CSMD2: variants seen among roughly 807,000 people sequenced by gnomAD.
CSMD2 encodes the protein CUB and sushi domain-containing protein 2.
In CSMD2, 130 loss-of-function variants were observed where a neutral mutation model predicts 398.5. The observed-to-expected ratio is 0.33, with a 90% CI of 0.28 to 0.38. The LOEUF is 0.38. Among genes scored for constraint, CSMD2 ranks in the 10% least tolerant of loss-of-function variants. The pLI is 1.00. For missense variants in CSMD2, 3,829 were observed against 4,764.9 expected (o/e 0.80, Z 5.78); for synonymous variants, 1,828 against 1,908.5 (o/e 0.96, Z 1.10).
At chr1:34,116,057 G>A (rs1049970500) in intron 1 of CSMD2, among the ~76,000 whole-genome samples, 6 of 151,928 alleles carry the variant, frequency 3.9e-5, no homozygotes, top group Non-Finnish European at 1.5e-5. Flanking sequence ...GTAACTATAA[G>A]GCACACAGAA....
chr1:34,006,986 T>C (rs1397516031), intron 3 of CSMD2, among the ~76,000 whole-genome samples: 1 of 152,136 alleles, frequency 6.6e-6, no homozygotes, highest in Non-Finnish European at 1.5e-5. Flanking sequence ...GGCAGAATGC[T>C]AGCTCACTGC....
chr1:34,021,211 C>T (rs919187510), intron 3 of CSMD2, among the ~76,000 whole-genome samples: 8 of 152,112 alleles, frequency 5.3e-5, no homozygotes, highest in South Asian at 2.1e-4. Flanking sequence ...GTGTTCTCTC[C>T]CCACTGATGC....
At chr1:33,562,286 A>G (rs912570214) in intron 53 of CSMD2, among the ~76,000 whole-genome samples, 3 of 152,064 alleles carry the variant, frequency 2.0e-5, no homozygotes, top group Non-Finnish European at 4.4e-5. Context: ...TCAGCAGGAG[A>G]AGAAGCTGCT....
chr1:33,708,415 A>G (rs545379875), intron 22 of CSMD2, among the ~76,000 whole-genome samples: 9 of 152,272 alleles, frequency 5.9e-5, no homozygotes, highest in African/African-American at 2.2e-4. Flanking sequence ...ATACATGGAC[A>G]CCGATTCACA....
intron 29 of CSMD2, among the ~76,000 whole-genome samples, chr1:33,642,264 T>C (rs1643149229): frequency 6.6e-6 from 1 of 150,658 alleles, no homozygotes; most frequent in Non-Finnish European, 1.5e-5. Flanking sequence ...AGCGAATCAC[T>C]TGAACCTGGG....
chr1:33,652,137 C>T (rs1471991732), intron 28 of CSMD2, among the ~76,000 whole-genome samples, 186 bp downstream of exon 28: 1 of 152,182 alleles, frequency 6.6e-6, no homozygotes, highest in African/African-American at 2.4e-5. Flanking sequence ...ATGCATGAGA[C>T]CACTGAGCAC....
At chr1:33,998,744 A>T (rs1450340417) in intron 3 of CSMD2, among the ~76,000 whole-genome samples, 1 of 152,176 alleles carries the variant, frequency 6.6e-6, no homozygotes, top group Non-Finnish European at 1.5e-5. Flanking sequence ...CCCTGGTTAA[A>T]ATATGATTAT....
chr1:33,973,484 G>C (rs1645845592), intron 3 of CSMD2, among the ~76,000 whole-genome samples: 1 of 152,200 alleles, frequency 6.6e-6, no homozygotes, highest in African/African-American at 2.4e-5. Flanking sequence ...CCCTGAGGGG[G>C]TCCTGGGTTG....
At chr1:33,534,882 T>C (rs549843746) in intron 62 of CSMD2, among the ~76,000 whole-genome samples, 138 of 152,324 alleles carry the variant, frequency 9.1e-4, no homozygotes, top group South Asian at 5.4e-3. Flanking sequence ...CTACAAAATG[T>C]ATCCCGAACA....
intron 22 of CSMD2, among the ~76,000 whole-genome samples, chr1:33,707,737 ACACAC>A (rs1236073808): frequency 4.9e-4 from 72 of 147,778 alleles, no homozygotes; most frequent in African/African-American, 1.8e-3. Flanking sequence ...ACACACACAC[ACACAC>A]ACCATACACC....
chr1:34,133,699 TC>T (rs1393880459), intron 1 of CSMD2, among the ~76,000 whole-genome samples: 3 of 151,930 alleles, frequency 2.0e-5, no homozygotes, highest in African/African-American at 7.3e-5. Context: ...CACTTTCCCA[TC>T]CCTTGTGTTC....
intron 3 of CSMD2, among the ~76,000 whole-genome samples, chr1:33,996,193 A>G (rs764784100): frequency 1.3e-5 from 2 of 152,246 alleles, no homozygotes; most frequent in African/African-American, 4.8e-5. Flanking sequence ...CTCACTGGTA[A>G]TCAGAGCAAT....
chr1:33,548,105 G>T (rs1196489599), intron 56 of CSMD2, among the ~76,000 whole-genome samples: 1 of 152,184 alleles, frequency 6.6e-6, no homozygotes, highest in East Asian at 1.9e-4. Context: ...TGCCATGATT[G>T]TAAGTTTCCT....
At chr1:33,888,140 C>A (rs1641723452) in intron 5 of CSMD2, among the ~76,000 whole-genome samples, 2 of 151,990 alleles carry the variant, frequency 1.3e-5, no homozygotes, top group Admixed American at 1.3e-4. Context: ...AAGAGGCATA[C>A]CATCGTCCAG....
At chr1:33,739,924 G>C (rs115072966) in intron 14 of CSMD2, among the ~76,000 whole-genome samples, 1 of 152,180 alleles carries the variant, frequency 6.6e-6, no homozygotes, top group Non-Finnish European at 1.5e-5. Context: ...ATAATGCAGA[G>C]TGGGGAGAGG....
intron 1 of CSMD2, among the ~76,000 whole-genome samples, chr1:34,118,239 A>G (rs1065966): frequency 0.94 from 143,097 of 152,192 alleles, 67,554 homozygotes; most frequent in East Asian, 1. Flanking sequence ...AGAAACACTC[A>G]ACAAACTAGG....
intron 53 of CSMD2, among the ~76,000 whole-genome samples, chr1:33,561,129 C>T (rs560429546): frequency 1.3e-5 from 2 of 152,108 alleles, no homozygotes; most frequent in African/African-American, 2.4e-5. Context: ...ATAATGGGGA[C>T]GGGGGTGTAA....
rs375816117 is a variant in CSMD2 at position 33,774,687 on chromosome 1, C to T, written c.1664-1936G>A. ...CCACCATTGCTGCAGGAGATATGCA[C>T]GTGGGGTACATGTGCCTGTGTTCCT... is the stretch of plus-strand genomic sequence containing the variant. On this transcript the variant is annotated intron_variant, in intron 12 of 70. Coordinates refer to ENST00000373381, the MANE Select transcript of CSMD2 (RefSeq NM_001281956.2). Among the ~76,000 whole-genome samples the T allele has an allele frequency of 3.6e-4, 55 of 152,270 alleles. 1 individual carries two copies. Among genetic ancestry groups the T allele is most frequent in the Admixed American group, 1.1e-3 (17 of 15,304 alleles).
chr1:34,122,198 T>C (rs888620179), intron 1 of CSMD2, among the ~76,000 whole-genome samples: 2 of 152,100 alleles, frequency 1.3e-5, no homozygotes, highest in African/African-American at 4.8e-5. Flanking sequence ...GGTGGGTGGA[T>C]TCTGAAGAGG....
Sources: gnomAD v4.1 joint callset for allele counts (sites outside exome capture counted in the v4.1 genomes callset) on GRCh38, gnomAD v4.1.1 for gene constraint, MANE v1.5 for transcripts, NCBI Gene and HGNC (gene_info 2026-07-23, HGNC 2026-07-21) for gene names.